RNF38: variants seen among roughly 807,000 people sequenced by gnomAD.
RNF38 encodes the protein E3 ubiquitin-protein ligase RNF38.
In RNF38, 15 loss-of-function variants were observed where a neutral mutation model predicts 67.2. The ratio of observed to expected loss-of-function variants is 0.22; its 90% CI spans 0.15 to 0.34. The LOEUF is 0.34. RNF38 is among the 10% of genes least tolerant of loss of function. RNF38 has a pLI of 1.00. For synonymous variants in RNF38, 220 were observed against 218.8 expected, an observed-to-expected ratio of 1.01 and a Z score of -0.05; for missense variants, 524 against 639.9, an observed-to-expected ratio of 0.82 and a Z score of 1.95.
intron 1 of RNF38, among the ~76,000 whole-genome samples, chr9:36,447,608 T>C (rs1406897986): frequency 6.6e-6 from 1 of 152,142 alleles, no homozygotes; most frequent in Non-Finnish European, 1.5e-5. Context: ...AGGAAAGGAA[T>C]AAGCCACCGA....
chr9:36,405,887 T>TTGTCTGTCATA (rs1838166072), upstream of RNF38, among the ~76,000 whole-genome samples: 2 of 152,228 alleles, frequency 1.3e-5, no homozygotes, highest in African/African-American at 4.8e-5. Flanking sequence ...AAGTGCTAGT[T>TTGTCTGTCATA]AATAGTCTGT....
chr9:36,367,720 T>C (rs1835085563), intron 4 of RNF38, among the ~76,000 whole-genome samples: 2 of 152,260 alleles, frequency 1.3e-5, no homozygotes, highest in Non-Finnish European at 1.5e-5. Flanking sequence ...TTTCTTTTGT[T>C]GTATTCATCT....
chr9:36,480,734 T>C (rs1481937929), intron 1 of RNF38, among the ~76,000 whole-genome samples: 1 of 151,492 alleles, frequency 6.6e-6, no homozygotes, highest in East Asian at 2.0e-4. Flanking sequence ...GTATTTTTAG[T>C]AAAGACAGGG....
At chr9:36,430,812 C>T (rs971657234) in intron 1 of RNF38, among the ~76,000 whole-genome samples, 2 of 151,384 alleles carry the variant, frequency 1.3e-5, no homozygotes, top group African/African-American at 2.4e-5. Flanking sequence ...TCAGACATTC[C>T]GAATCCAAAC....
At chr9:36,416,859 T>G (rs974000854) in intron 2 of RNF38, among the ~76,000 whole-genome samples, 1 of 147,606 alleles carries the variant, frequency 6.8e-6, no homozygotes, top group Non-Finnish European at 1.5e-5. Flanking sequence ...TTAAAGCGAT[T>G]CTCCTGCCTC....
chr9:36,438,087 G>A (rs1365875625), intron 1 of RNF38, among the ~76,000 whole-genome samples: 1 of 152,122 alleles, frequency 6.6e-6, no homozygotes, highest in Admixed American at 6.6e-5. Flanking sequence ...GACTACAAGT[G>A]TGTGCTACCA....
At chr9:36,438,644 C>T (rs985758464) in intron 1 of RNF38, among the ~76,000 whole-genome samples, 1 of 152,034 alleles carries the variant, frequency 6.6e-6, no homozygotes, top group Non-Finnish European at 1.5e-5. Flanking sequence ...CTTCACGGTG[C>T]TGAACAAAAG....
At chr9:36,421,710 G>A (rs1305318340) in intron 2 of RNF38, among the ~76,000 whole-genome samples, 1 of 152,078 alleles carries the variant, frequency 6.6e-6, no homozygotes, top group Non-Finnish European at 1.5e-5. Flanking sequence ...GCAGGTTGGC[G>A]TAAACGTGCT....
intron 1 of RNF38, among the ~76,000 whole-genome samples, chr9:36,469,879 G>A (rs1338629900): frequency 1.3e-5 from 2 of 152,152 alleles, no homozygotes; most frequent in Admixed American, 6.5e-5. Context: ...TTGGGAGGCT[G>A]TGGAGGGAGG....
intron 1 of RNF38, among the ~76,000 whole-genome samples, chr9:36,478,942 T>C (rs1201958169): frequency 6.6e-6 from 1 of 152,090 alleles, no homozygotes; most frequent in Non-Finnish European, 1.5e-5. Context: ...AGACCCAGAT[T>C]TCTATATATT....
intron 1 of RNF38, among the ~76,000 whole-genome samples, chr9:36,466,415 G>C (rs1281966616): frequency 1.3e-5 from 2 of 152,120 alleles, no homozygotes; most frequent in African/African-American, 4.8e-5. Context: ...TTTATATTTC[G>C]ATAAAGCTGT....
At chr9:36,379,280 A>C (rs1052344400) in intron 2 of RNF38, among the ~76,000 whole-genome samples, 2 of 152,234 alleles carry the variant, frequency 1.3e-5, no homozygotes. Flanking sequence ...AGTTTGCTAC[A>C]TGCAATATGA....
At chr9:36,425,423 G>A (rs890297446) in intron 1 of RNF38, among the ~76,000 whole-genome samples, 1 of 152,250 alleles carries the variant, frequency 6.6e-6, no homozygotes, top group Non-Finnish European at 1.5e-5. Flanking sequence ...GCCAGGTGCA[G>A]TGGCTTAGGC....
At chr9:36,384,431 A>C (rs958196214) in intron 2 of RNF38, among the ~76,000 whole-genome samples, 2 of 152,200 alleles carry the variant, frequency 1.3e-5, no homozygotes, top group Non-Finnish European at 2.9e-5. Context: ...TTGCCCCTCA[A>C]AAGTTTATGT....
At chr9:36,474,551 T>G (rs922924131) in intron 1 of RNF38, among the ~76,000 whole-genome samples, 1 of 148,180 alleles carries the variant, frequency 6.7e-6, no homozygotes, top group African/African-American at 2.5e-5. Context: ...TTAGACTACC[T>G]GGGTTCATAT....
intron 1 of RNF38, among the ~76,000 whole-genome samples, chr9:36,440,215 C>T (rs1459735165): frequency 6.6e-6 from 1 of 152,144 alleles, no homozygotes; most frequent in Non-Finnish European, 1.5e-5. Context: ...CACTACACTA[C>T]AGCCTGGGCA....
intron 2 of RNF38, among the ~76,000 whole-genome samples, chr9:36,409,305 GAAAA>G (rs879704599): frequency 3.4e-5 from 5 of 145,136 alleles, no homozygotes; most frequent in African/African-American, 1.1e-4. Context: ...GAGAGAGAAA[GAAAA>G]AGAAAGAAAG....
At chr9:36,388,252 A>T (rs1047279640) in intron 2 of RNF38, among the ~76,000 whole-genome samples, 9 of 152,118 alleles carry the variant, frequency 5.9e-5, no homozygotes, top group African/African-American at 2.2e-4. Flanking sequence ...AGATGGTCTT[A>T]TTATTATATA....
exon 2 of RNF38, chr9:36,424,669 A>G (rs886498812): frequency 1.0e-6 from 1 of 985,512 alleles, no homozygotes. Context: ...CACTGAAAAG[A>G]AGCACCAACA....
Sources: gnomAD v4.1 joint callset for allele counts (sites outside exome capture counted in the v4.1 genomes callset) on GRCh38, gnomAD v4.1.1 for gene constraint, MANE v1.5 for transcripts, NCBI Gene and HGNC (gene_info 2026-07-23, HGNC 2026-07-21) for gene names.